Variants in HLA-DRB1 observed in about 807,000 individuals in gnomAD.
HLA-DRB1 encodes the protein major histocompatibility complex, class II, DR beta 1 precursor.
A neutral mutation model predicts 27.9 loss-of-function variants in HLA-DRB1; 10 were observed. The observed-to-expected ratio is 0.36, with a 90% CI of 0.22 to 0.61. HLA-DRB1 has a LOEUF of 0.61. Among genes scored for constraint, HLA-DRB1 ranks in the 20% least tolerant of loss-of-function variants. The probability of loss-of-function intolerance (pLI) is 0.73; values close to 1 mark genes in which losing one functional copy is unlikely to be tolerated. For missense variants in HLA-DRB1, 118 were observed against 306.3 expected, an observed-to-expected ratio of 0.39 and a Z score of 4.59; for synonymous variants, 57 against 126.7, an observed-to-expected ratio of 0.45 and a Z score of 3.69.
At chr6:32,584,321 ACCCGCT>A (rs746519337) in exon 2 of HLA-DRB1, 2 of 981,878 alleles carry the variant, frequency 2.0e-6, no homozygotes, top group Non-Finnish European at 2.9e-6. Context: ...CAGGAACCGC[ACCCGCT>A]CCGTCCCATT....
chr6:32,584,318 C>T (rs17885382), exon 2 of HLA-DRB1: 25,803 of 984,110 alleles, frequency 0.026, 358 homozygotes, highest in Middle Eastern at 0.059. Flanking sequence ...GTCCAGGAAC[C>T]GCACCCGCTC....
chr6:32,585,929 T>C (rs34491087), intron 1 of HLA-DRB1, among the ~76,000 whole-genome samples: 15,930 of 118,910 alleles, frequency 0.13, 2,518 homozygotes, highest in Admixed American at 0.14. Context: ...ATAGGCCTGA[T>C]ACACAGTCAT....
At chr6:32,586,723 G>A (rs1227329847) in intron 1 of HLA-DRB1, among the ~76,000 whole-genome samples, 90 of 73,108 alleles carry the variant, frequency 1.2e-3, no homozygotes, top group Middle Eastern at 9.3e-3. Context: ...CCACATAAAT[G>A]TCAATCAATC....
rs768278955 is a variant in HLA-DRB1 at position 32,581,586 on chromosome 6, C to T, written c.623G>A (p.Ser208Asn). 20 of 1,210,426 alleles carry T rather than the reference C, an allele frequency of 1.7e-5. No homozygotes were observed. In the East Asian group the frequency reaches 4.9e-4, roughly 30 times the overall value. The allele number at this position is 1,210,426 out of a possible 1,614,324, so 75.0% of individuals were successfully genotyped here. A position where few individuals can be genotyped will look rare whatever the true frequency, so the allele number is the denominator to read the frequency against. Residue 208 changes from serine to asparagine, a missense_variant, in exon 3 of 6, where the codon AGC becomes AAC. Ser to Asn is a conservative substitution (Grantham distance 46, BLOSUM62 1). This residue lies in a region of HLA-DRB1 where 27 missense variants were observed against 43.6 expected (regional missense o/e 0.62). Transcript: ENST00000360004. ...TTCCACTGTGAGAGGGCTTGTCACGCTTGGGTGCTCCACTTGGCAGGTGTA... is the reference window on the plus strand; with the variant it reads ...TTCCACTGTGAGAGGGCTTGTCACGTTTGGGTGCTCCACTTGGCAGGTGTA...
intron 1 of HLA-DRB1, among the ~76,000 whole-genome samples, chr6:32,584,747 G>C (rs28724133): frequency 0.11 from 9,133 of 81,550 alleles, 3 homozygotes; most frequent in Admixed American, 0.18. Context: ...ACGCTTTACC[G>C]GTACCTTCAA....
At chr6:32,588,922 T>TTTTCCAGAGGATGCCTA (rs1776944122) in intron 1 of HLA-DRB1, among the ~76,000 whole-genome samples, 1 of 113,256 alleles carries the variant, frequency 8.8e-6, no homozygotes, top group Non-Finnish European at 1.9e-5. Context: ...GAACCTGGGC[T>TTTTCCAGAGGATGCCTA]AGTTTTTCAG....
At chr6:32,585,534 A>C (rs201112890) in intron 1 of HLA-DRB1, among the ~76,000 whole-genome samples, 26,600 of 83,108 alleles carry the variant, frequency 0.32, 3,136 homozygotes, top group Middle Eastern at 0.53. Context: ...TTCCCATTTT[A>C]ACTTTTCTGA....
chr6:32,587,011 G>C (rs796987099), intron 1 of HLA-DRB1, among the ~76,000 whole-genome samples: 714 of 69,106 alleles, frequency 0.01, no homozygotes, highest in East Asian at 0.016. Flanking sequence ...ATTCCCTGCT[G>C]TGCTCCTAAA....
At chr6:32,587,533 A>C (rs7759513) in intron 1 of HLA-DRB1, among the ~76,000 whole-genome samples, 10,779 of 62,612 alleles carry the variant, frequency 0.17, 1,914 homozygotes, top group Middle Eastern at 0.4. Context: ...CTTTCTATAC[A>C]TCAGCCCCTC....
intron 3 of HLA-DRB1, among the ~76,000 whole-genome samples, 154 bp downstream of exon 3, chr6:32,581,400 ACAC>A (rs1775462674): frequency 1.4e-5 from 1 of 72,718 alleles, no homozygotes; most frequent in African/African-American, 5.9e-5. Flanking sequence ...GTTTCTAGAA[ACAC>A]CTACAGGGCT....
In HLA-DRB1 at chr6:32,588,704, C is replaced by T. The variant is rs144601616; in HGVS notation, c.100+939G>A. On this transcript the variant is annotated intron_variant, in intron 1 of 5. Transcript: ENST00000360004. ...GACTTTCAGCCCTATGAGACGTGAA[C>T]AATGTTCACATCATCTCGGTAACCC... 1.7e-3 allele frequency among the ~76,000 whole-genome samples: 103 copies of T among 62,142 alleles called. 1 individual carries two copies. Among genetic ancestry groups the T allele is most frequent in the South Asian group, 2.0e-3 (4 of 1,954 alleles). The allele number at this position is 62,142 out of a possible 152,430, so 40.8% of individuals were successfully genotyped here.
chr6:32,589,538 A>C, intron 1 of HLA-DRB1, 105 bp downstream of exon 1: 1 of 301,288 alleles, frequency 3.3e-6, no homozygotes. Context: ...CAATCTCTGA[A>C]GAAAACGTCA....
intron 1 of HLA-DRB1, among the ~76,000 whole-genome samples, chr6:32,585,978 T>A (rs1776324654): frequency 1.5e-5 from 1 of 68,552 alleles, no homozygotes; most frequent in African/African-American, 6.3e-5. Flanking sequence ...GGCGACTGGA[T>A]TCATTTTATT....
intron 4 of HLA-DRB1, 88 bp from the exon 5 acceptor site, chr6:32,580,358 C>T (rs566733670): frequency 8.8e-6 from 5 of 565,198 alleles, no homozygotes; most frequent in African/African-American, 2.5e-5. Context: ...GATCTCCCAC[C>T]TGAGATTTCT....
chr6:32,585,585 T>C (rs1776282293), intron 1 of HLA-DRB1, among the ~76,000 whole-genome samples: 2 of 137,788 alleles, frequency 1.5e-5, no homozygotes, highest in Non-Finnish European at 3.1e-5. Context: ...TATTCCTTAA[T>C]TCTAAAGCAA....
At chr6:32,587,778 A>C in intron 1 of HLA-DRB1, among the ~76,000 whole-genome samples, 2 of 143,324 alleles carry the variant, frequency 1.4e-5, no homozygotes, top group Admixed American at 7.1e-5. Flanking sequence ...ACTCTCTAAC[A>C]TTATCTTCTT....
chr6:32,581,899 G>GCTTTTTGTCTGCTTCT, intron 2 of HLA-DRB1, 61 bp from the exon 3 acceptor site: 1 of 862,512 alleles, frequency 1.2e-6, no homozygotes, highest in East Asian at 2.6e-5. Context: ...TCCTGGTTTG[G>GCTTTTTGTCTGCTTCT]CTGTGTGTCT....
chr6:32,589,434 GT>G (rs1777030363), intron 1 of HLA-DRB1, among the ~76,000 whole-genome samples: 1 of 78,254 alleles, frequency 1.3e-5, no homozygotes, highest in Non-Finnish European at 2.5e-5. Context: ...GAAATGATTT[GT>G]GCAAAGGCCC....
At position 32,581,830 on chromosome 6, in the gene HLA-DRB1, T is replaced by G. The variant is rs17405219; in HGVS notation, c.379A>C (p.Lys127Gln). The G allele has an allele frequency of 0.19, 193,403 of 1,033,298 alleles. 30,632 individuals carry two copies. Among genetic ancestry groups the G allele is most frequent in the Middle Eastern group, 0.32 (1,286 of 3,978 alleles). 64.0% of individuals were successfully genotyped at this position (1,033,298 alleles called of 1,614,324 possible). ...GTCTTTGAAGGATATACAGTCACCT[T>G]AGGTTGGACTAGGAGAAAAACAACG... The change falls in exon 3 of 6, where the codon AAG (lysine) becomes CAG (glutamine). Residue 127 changes from lysine (K) to glutamine (Q), a missense_variant. This residue lies in a region of HLA-DRB1 where 24 missense variants were observed against 114.5 expected (regional missense o/e 0.21). Transcript: ENST00000360004.
Sources: allele counts gnomAD v4.1 joint callset (sites outside exome capture counted in the v4.1 genomes callset), GRCh38; gene constraint gnomAD v4.1.1; regional missense constraint gnomAD v4.1.1; transcripts MANE v1.5; gene names NCBI Gene and HGNC (gene_info 2026-07-23, HGNC 2026-07-21).